Variants in GAL3ST3 observed in about 807,000 individuals in gnomAD.
GAL3ST3 encodes the protein beta-galactose-3-O-sulfotransferase 3.
Under a neutral mutation model 20.8 loss-of-function variants are expected in GAL3ST3, and 21 were observed. The ratio of observed to expected loss-of-function variants is 1.01; its 90% CI spans 0.72 to 1.45. The LOEUF (loss-of-function observed/expected upper bound fraction) is 1.45, where lower values mean the gene tolerates loss of function less well. GAL3ST3 is among the 40% of genes most tolerant of loss of function. GAL3ST3 has a pLI of 0.00. For missense variants in GAL3ST3, 739 were observed against 662.7 expected (o/e 1.12, Z -1.26); for synonymous variants, 355 against 307.2 (o/e 1.16, Z -1.63).
intron 1 of GAL3ST3, 123 bp from the exon 2 acceptor site, chr11:66,045,650 C>G (rs1856775470): frequency 2.6e-6 from 1 of 377,556 alleles, no homozygotes; most frequent in East Asian, 4.0e-5. Context: ...GATCGGATTC[C>G]TACCTCCCGT....
Position 66,042,689 on chromosome 11 carries a change from C to A in GAL3ST3, c.1114G>T (p.Gly372Cys). Reference protein sequence around the residue: ...VDIMGYDLPGGGAGPATEACL... With the variant: ...VDIMGYDLPGCGAGPATEACL... ...GCCTCGGTGGCCGGGCCGGCGCCGC[C>A]GCCGGGCAGGTCATAGCCCATAATG... Residue 372 changes from glycine to cysteine, a missense_variant, in exon 3 of 3, where the codon GGC becomes TGC. Coordinates refer to ENST00000312006, the MANE Select transcript of GAL3ST3 (RefSeq NM_033036.3). 6.5e-7 allele frequency: 1 copy of A among 1,534,032 alleles called. No homozygotes were observed. Among genetic ancestry groups the A allele is most frequent in the Non-Finnish European group, 8.7e-7 (1 of 1,145,792 alleles).
Position 66,042,517 on chromosome 11 carries a change from T to C in GAL3ST3, c.1286A>G (p.Gln429Arg). 1 of 1,482,720 alleles carries C rather than the reference T, an allele frequency of 6.7e-7. No individual in the cohort carries two copies. Among genetic ancestry groups the C allele is most frequent in the Non-Finnish European group, 8.9e-7 (1 of 1,123,922 alleles). The allele number at this position is 1,482,720 out of a possible 1,614,324, so 91.8% of individuals were successfully genotyped here. Reference sequence around the variant, plus strand: ...GGAGGCCTGCGGAGCTCAGGGACCTTGAGGGCCGCGAGGCAGCACTCGGAT... The same window carrying C: ...GGAGGCCTGCGGAGCTCAGGGACCTCGAGGGCCGCGAGGCAGCACTCGGAT... ...RPIRVLPRGP[Q>R]GP Residue 429 changes from glutamine (Q) to arginine (R), a missense_variant, in exon 3 of 3, where the codon CAA (glutamine) becomes CGA (arginine). Physicochemically the swap from Gln to Arg is conservative, Grantham distance 43. Transcript: ENST00000312006.
chr11:66,048,639 C>G (rs1856806151), intron 1 of GAL3ST3, among the ~76,000 whole-genome samples: 1 of 147,788 alleles, frequency 6.8e-6, no homozygotes, highest in East Asian at 2.0e-4. Flanking sequence ...CCCCACCCCC[C>G]AGCCTGCACC....
At chr11:66,045,675 C>T in intron 1 of GAL3ST3, 148 bp from the exon 2 acceptor site, 2 of 322,110 alleles carry the variant, frequency 6.2e-6, no homozygotes, top group Non-Finnish European at 1.1e-5. Context: ...AAGACCCTAT[C>T]TCCTCACTGC....
rs201726501 is a variant in GAL3ST3, at chr11:66,043,500, G to A, written c.303C>T (p.Cys101=). ...NLTVALPHPS[C]EHQFCYPRNF... is the part of the protein sequence containing the mutation. ...TGCGGGGGTAGCAGAACTGGTGCTC[G>A]CAGCTCGGGTGCGGCAGGGCCACCG... The change falls in exon 3 of 3, where the codon TGC becomes TGT. Residue 101 remains cysteine (C), a synonymous_variant. Transcript: ENST00000312006. 66 of 1,610,510 alleles carry A rather than the reference G, an allele frequency of 4.1e-5. No homozygotes were observed. Among genetic ancestry groups the A allele is most frequent in the Non-Finnish European group, 5.3e-5 (62 of 1,179,268 alleles).
In GAL3ST3 at chr11:66,043,067, C is replaced by G. The variant is rs757211741; in HGVS notation, c.736G>C (p.Glu246Gln). 1.2e-6 allele frequency: 2 copies of G among 1,611,670 alleles called. No homozygotes were observed. Among genetic ancestry groups the G allele is most frequent in the Admixed American group, 1.7e-5 (1 of 59,966 alleles). ...AGGCGCCGCAGCAGCACTAGCGACT[C>G]GTCGAAGTACTCGGCGATCATGACG... ...SLVMIAEYFD[E>Q]SLVLLRRLLA... Residue 246 changes from glutamate to glutamine, a missense_variant, in exon 3 of 3, where the codon GAG becomes CAG. By Grantham distance (29) the Glu-to-Gln change is conservative (BLOSUM62 2). Transcript: ENST00000312006.
At position 66,042,804 on chromosome 11, in the gene GAL3ST3, C is replaced by A; in HGVS notation, c.999G>T (p.Arg333=). The A allele has an allele frequency of 2.8e-6, 4 of 1,444,154 alleles. No individual in the cohort carries two copies. Among genetic ancestry groups the A allele is most frequent in the Non-Finnish European group, 3.6e-6 (4 of 1,109,754 alleles). The allele number at this position is 1,444,154 out of a possible 1,614,324, so 89.5% of individuals were successfully genotyped here. The change falls in exon 3 of 3, where the codon CGG becomes CGT. Residue 333 remains arginine, a synonymous_variant. Transcript: ENST00000312006. ...GCAGTGGCTCGTCCCCGAAGCAGCG[C>A]CGCAGTAGGCGCTGGCGGGCCTCGC... ...ELREARQRLL[R]RCFGDEPLLR...
In GAL3ST3 at chr11:66,042,999, G is replaced by A. The variant is rs758264536; in HGVS notation, c.804C>T (p.Asn268=). Residue 268 remains asparagine (N), a synonymous_variant, in exon 3 of 3, where the codon AAC becomes AAT. Transcript: ENST00000312006. ...DLDDVLYAKL[N]ARAASSRLAA... ...CCAGGCGCGAGCTGGCGGCGCGCGC[G>A]TTGAGCTTGGCGTAGAGCACGTCGT... is the stretch of plus-strand genomic sequence containing the variant. The A allele has an allele frequency of 5.8e-5, 93 of 1,603,944 alleles. 1 individual carries two copies. The highest frequency in any genetic ancestry group is 7.5e-5 in the Non-Finnish European group (88 of 1,177,194).
In GAL3ST3 at chr11:66,043,267, G is replaced by A. The variant is rs1334590011; in HGVS notation, c.536C>T (p.Ser179Leu). The change falls in exon 3 of 3, where the codon TCG (serine) becomes TTG (leucine). Residue 179 changes from serine (S) to leucine (L), a missense_variant. Physicochemically the swap from Ser to Leu is moderately radical, Grantham distance 145. Transcript: ENST00000312006. ...CPAFRRVPNA[S>L]LEAFLRAPEA... Reference sequence around the variant, plus strand: ...GGGCGCGCGCAGGAAGGCCTCGAGCGAGGCGTTGGGTACGCGCCGGAAGGC... The same window carrying A: ...GGGCGCGCGCAGGAAGGCCTCGAGCAAGGCGTTGGGTACGCGCCGGAAGGC... 10 of 1,611,952 alleles carry A rather than the reference G, an allele frequency of 6.2e-6. No individual in the cohort carries two copies. Among genetic ancestry groups the A allele is most frequent in the Non-Finnish European group, 7.6e-6 (9 of 1,179,166 alleles).
chr11:66,043,652 A>T lies in GAL3ST3; in HGVS notation c.151T>A (p.Cys51Ser). 1.2e-6 allele frequency: 2 copies of T among 1,608,006 alleles called. No homozygotes were observed. The highest frequency in any genetic ancestry group is 1.7e-6 in the Non-Finnish European group (2 of 1,176,230). ...GGCGGCGAGTTCCGCAGAGGAGGGCAGCTCAAGGGGAACAGCTTGGGGTAC... is the reference window on the plus strand; with the variant it reads ...GGCGGCGAGTTCCGCAGAGGAGGGCTGCTCAAGGGGAACAGCTTGGGGTAC... The part of the protein sequence containing the change: ...SWYPKLFPLS[C>S]PPLRNSPPRP... The change falls in exon 3 of 3, where the codon TGC (cysteine) becomes AGC (serine). Residue 51 changes from cysteine (C) to serine (S), a missense_variant. By Grantham distance (112) the Cys-to-Ser change is moderately radical. Coordinates refer to ENST00000312006, the MANE Select transcript of GAL3ST3 (RefSeq NM_033036.3).
At chr11:66,046,605 G>T (rs1049712563) in intron 1 of GAL3ST3, among the ~76,000 whole-genome samples, 2 of 152,212 alleles carry the variant, frequency 1.3e-5, no homozygotes, top group African/African-American at 2.4e-5. Flanking sequence ...TAAGAGAGGG[G>T]AGGAGGGCTT....
Position 66,049,130 on chromosome 11 carries a change from G to C in GAL3ST3, c.-232C>G, listed in dbSNP as rs914280389. 6.6e-6 allele frequency: 1 copy of C among 152,376 alleles called. No individual in the cohort carries two copies. Among genetic ancestry groups the C allele is most frequent in the Non-Finnish European group, 1.5e-5 (1 of 68,214 alleles). 9.4% of individuals were successfully genotyped at this position (152,376 alleles called of 1,614,324 possible). A position where few individuals can be genotyped will look rare whatever the true frequency, so the allele number is the denominator to read the frequency against. On this transcript the variant is annotated 5_prime_UTR_variant, in exon 1 of 3. Coordinates refer to ENST00000312006, the MANE Select transcript of GAL3ST3 (RefSeq NM_033036.3). ...CCCGGGGCCCTGCGCGCCGAGTGCC[G>C]GTGGCTTGCCTCTCAGCGCCTGGAT...
Position 66,041,315 on chromosome 11 carries a change from C to G in GAL3ST3, c.*1192G>C, listed in dbSNP as rs1035782632. 6.6e-6 allele frequency among the ~76,000 whole-genome samples: 1 copy of G among 152,166 alleles called. No individual in the cohort carries two copies. Among genetic ancestry groups the G allele is most frequent in the African/African-American group, 2.4e-5 (1 of 41,432 alleles). ...TTGTTTTTTATCACTTGTCCAGATA[C>G]GTCGATATAGCTCTGAAGAAAGTAA... On this transcript the variant is annotated 3_prime_UTR_variant, in exon 3 of 3. Transcript: ENST00000312006.
At chr11:66,047,352 A>G (rs576821030) in intron 1 of GAL3ST3, among the ~76,000 whole-genome samples, 1 of 152,272 alleles carries the variant, frequency 6.6e-6, no homozygotes, top group South Asian at 2.1e-4. Context: ...AAACCACCCT[A>G]TTTCTCAGAG....
chr11:66,044,620 T>C (rs1856760136), intron 2 of GAL3ST3, among the ~76,000 whole-genome samples: 1 of 152,224 alleles, frequency 6.6e-6, no homozygotes, highest in Non-Finnish European at 1.5e-5. Flanking sequence ...TCAAATATTT[T>C]TTGGGTGTCC....
Position 66,043,130 on chromosome 11 carries a change from C to T in GAL3ST3, c.673G>A (p.Ala225Thr). Residue 225 changes from alanine to threonine, a missense_variant, in exon 3 of 3, where the codon GCG becomes ACG. By Grantham distance (58) the Ala-to-Thr change is moderately conservative. Coordinates refer to ENST00000312006, the MANE Select transcript of GAL3ST3 (RefSeq NM_033036.3). ...TCCTCCACCTGGCGGATGAGGCCCG[C>T]CAGGTAGGCGGCGTCGTCGCGCGGG... ...RSPRDDAAYL[A>T]GLIRQVEEVF... 6.2e-7 allele frequency: 1 copy of T among 1,611,766 alleles called. No individual in the cohort carries two copies. Among genetic ancestry groups the T allele is most frequent in the South Asian group, 1.1e-5 (1 of 91,048 alleles).
Position 66,042,683 on chromosome 11 carries a change from C to T in GAL3ST3, c.1120G>A (p.Ala374Thr), listed in dbSNP as rs756240822. Residue 374 changes from alanine (A) to threonine (T), a missense_variant, in exon 3 of 3, where the codon GCC (alanine) becomes ACC (threonine). By Grantham distance (58) the Ala-to-Thr change is moderately conservative. Coordinates refer to ENST00000312006, the MANE Select transcript of GAL3ST3 (RefSeq NM_033036.3). ...AGGCAGGCCTCGGTGGCCGGGCCGG[C>T]GCCGCCGCCGGGCAGGTCATAGCCC... is the stretch of plus-strand genomic sequence containing the variant. ...IMGYDLPGGG[A>T]GPATEACLKL... 2.0e-6 allele frequency: 3 copies of T among 1,533,994 alleles called. No homozygotes were observed. Among genetic ancestry groups the T allele is most frequent in the Middle Eastern group, 1.7e-4 (1 of 5,978 alleles).
Position 66,042,848 on chromosome 11 carries a change from G to T in GAL3ST3, c.955C>A (p.Arg319Ser). Residue 319 changes from arginine to serine, a missense_variant, in exon 3 of 3, where the codon CGC (arginine) becomes AGC (serine). Coordinates refer to ENST00000312006, the MANE Select transcript of GAL3ST3 (RefSeq NM_033036.3). ...VARAGRACVEREARELREARQ... is the reference protein window; with the variant it reads ...VARAGRACVESEARELREARQ... The stretch of plus-strand genomic sequence containing the variant: ...GCCTCGCGCAGCTCGCGCGCCTCGC[G>T]CTCCACGCACGCGCGGCCCGCGCGC... 7.7e-7 allele frequency: 1 copy of T among 1,295,404 alleles called. No homozygotes were observed. Among genetic ancestry groups the T allele is most frequent in the Non-Finnish European group, 9.8e-7 (1 of 1,023,392 alleles). 80.2% of individuals were successfully genotyped at this position (1,295,404 alleles called of 1,614,324 possible). A position where few individuals can be genotyped will look rare whatever the true frequency, so the allele number is the denominator to read the frequency against.
At chr11:66,045,196 G>A in intron 2 of GAL3ST3, 95 bp downstream of exon 2, 1 of 1,155,702 alleles carries the variant, frequency 8.7e-7, no homozygotes, top group Non-Finnish European at 1.2e-6. Context: ...AGCACTTTCA[G>A]AATAGAGGGG....
Sources: allele counts gnomAD v4.1 joint callset (sites outside exome capture counted in the v4.1 genomes callset), GRCh38; gene constraint gnomAD v4.1.1; transcripts MANE v1.5; gene names NCBI Gene and HGNC (gene_info 2026-07-23, HGNC 2026-07-21).